The following KCNH5 variants were observed in gnomAD, a reference collection of about 807,000 sequenced individuals.
KCNH5 encodes voltage-gated delayed rectifier potassium channel KCNH5.
A neutral mutation model predicts 96.1 loss-of-function variants in KCNH5; 46 were observed. The observed-to-expected ratio is 0.48, with a 90% CI of 0.38 to 0.61. The LOEUF (loss-of-function observed/expected upper bound fraction) is 0.61. KCNH5 is among the 20% of genes least tolerant of loss of function. KCNH5 has a pLI of 0.00. For synonymous variants in KCNH5, 439 were observed against 449.8 expected, an observed-to-expected ratio of 0.98 and a Z score of 0.30; for missense variants, 907 against 1,225.8, an observed-to-expected ratio of 0.74 and a Z score of 3.88.
intron 10 of KCNH5, among the ~76,000 whole-genome samples, chr14:62,743,560 G>A (rs1047347217): frequency 1.6e-4 from 25 of 152,144 alleles, no homozygotes; most frequent in Admixed American, 1.4e-3. Flanking sequence ...GAACTGAAAA[G>A]AAATTAAGAT....
chr14:62,832,982 T>C (rs1191096709), intron 8 of KCNH5, among the ~76,000 whole-genome samples: 1 of 120,794 alleles, frequency 8.3e-6, no homozygotes, highest in Non-Finnish European at 1.8e-5. Context: ...GTTTTTGCTA[T>C]TGAATTGATA....
rs139338811 is a variant in KCNH5, at chr14:62,913,036, T to A, written c.1369+37097A>T. 1.9e-3 allele frequency among the ~76,000 whole-genome samples: 296 copies of A among 152,328 alleles called. 6 individuals carry two copies. Among genetic ancestry groups the A allele is most frequent in the African/African-American group, 6.7e-3 (280 of 41,576 alleles). ...TCTATATTTTCCAATAATATCTACA[T>A]AAAATGACTTCTAAATCTGAACTTA... On this transcript the variant is annotated intron_variant, in intron 7 of 10. Coordinates refer to ENST00000322893, the MANE Select transcript of KCNH5 (RefSeq NM_139318.5).
At chr14:62,720,575 T>C (rs1359222603) in intron 10 of KCNH5, among the ~76,000 whole-genome samples, 1 of 152,108 alleles carries the variant, frequency 6.6e-6, no homozygotes, top group Non-Finnish European at 1.5e-5. Context: ...ACAGCGAGAC[T>C]CTGTCTCAAA....
chr14:62,909,443 C>G (rs1016212613), intron 7 of KCNH5, among the ~76,000 whole-genome samples: 2 of 152,160 alleles, frequency 1.3e-5, no homozygotes, highest in Admixed American at 6.5e-5. Context: ...TGTAAAAGTC[C>G]TAAATAAATT....
intron 4 of KCNH5, among the ~76,000 whole-genome samples, chr14:62,993,456 C>T (rs1890850534): frequency 6.6e-6 from 1 of 152,072 alleles, no homozygotes; most frequent in Non-Finnish European, 1.5e-5. Context: ...TCCCATCCAC[C>T]TCCAGACTAA....
chr14:63,031,964 C>A (rs1250189827), intron 1 of KCNH5, among the ~76,000 whole-genome samples: 1 of 151,830 alleles, frequency 6.6e-6, no homozygotes, highest in Non-Finnish European at 1.5e-5. Flanking sequence ...CTTTTTTATG[C>A]AAATTACCCC....
chr14:62,716,786 G>A (rs1884695753), intron 10 of KCNH5, among the ~76,000 whole-genome samples: 1 of 151,994 alleles, frequency 6.6e-6, no homozygotes, highest in South Asian at 2.1e-4. Context: ...TTGTATTGGG[G>A]GGTTCTAGCC....
At chr14:62,961,052 T>C (rs1435374309) in intron 6 of KCNH5, among the ~76,000 whole-genome samples, 2 of 152,180 alleles carry the variant, frequency 1.3e-5, no homozygotes, top group Admixed American at 6.6e-5. Flanking sequence ...TAAAGCTTGA[T>C]CAAAATATGT....
chr14:62,950,033 C>A, intron 7 of KCNH5, 100 bp downstream of exon 7: 1 of 976,766 alleles, frequency 1.0e-6, no homozygotes, highest in Non-Finnish European at 1.5e-6. Context: ...GATTAAATAC[C>A]TTTCTGTAAA....
chr14:62,753,856 A>G (rs779812327), intron 10 of KCNH5, among the ~76,000 whole-genome samples: 4 of 152,198 alleles, frequency 2.6e-5, no homozygotes, highest in Admixed American at 2.0e-4. Flanking sequence ...TAGTTCTTCA[A>G]TCTGAAAGAA....
At chr14:62,812,995 A>T (rs1225528450) in intron 8 of KCNH5, among the ~76,000 whole-genome samples, 1 of 152,176 alleles carries the variant, frequency 6.6e-6, no homozygotes, top group African/African-American at 2.4e-5. Context: ...GGATATCAAG[A>T]TTTCCAGTAT....
intron 2 of KCNH5, among the ~76,000 whole-genome samples, chr14:63,016,614 A>G (rs1345851853): frequency 6.6e-6 from 1 of 152,120 alleles, no homozygotes; most frequent in East Asian, 1.9e-4. Flanking sequence ...TGAATTGATT[A>G]ACTCACAGAT....
chr14:62,817,433 C>G (rs374010357), intron 8 of KCNH5, among the ~76,000 whole-genome samples: 18 of 148,038 alleles, frequency 1.2e-4, no homozygotes, highest in Middle Eastern at 3.6e-3. Context: ...TGCATATTTG[C>G]TCAGGAAGAA....
At chr14:62,969,665 T>C (rs1890366161) in intron 6 of KCNH5, among the ~76,000 whole-genome samples, 1 of 151,950 alleles carries the variant, frequency 6.6e-6, no homozygotes, top group African/African-American at 2.4e-5. Flanking sequence ...GGTGATGGAT[T>C]GATTGGTGCA....
intron 10 of KCNH5, among the ~76,000 whole-genome samples, chr14:62,725,071 A>G (rs376514261): frequency 1.1e-4 from 16 of 152,244 alleles, no homozygotes; most frequent in East Asian, 3.8e-4. Context: ...ATATAATTTC[A>G]CTGAAATCTT....
chr14:62,932,425 A>C (rs1249926051), intron 7 of KCNH5, among the ~76,000 whole-genome samples: 1 of 151,686 alleles, frequency 6.6e-6, no homozygotes, highest in Non-Finnish European at 1.5e-5. Context: ...GAAAACTTCT[A>C]GACCATAGAG....
At chr14:62,813,453 T>C (rs768495449) in intron 8 of KCNH5, among the ~76,000 whole-genome samples, 6 of 152,160 alleles carry the variant, frequency 3.9e-5, no homozygotes, top group Non-Finnish European at 7.4e-5. Context: ...GGTAGTAAAC[T>C]AAACAAGGCT....
At chr14:62,934,793 T>C (rs1889647168) in intron 7 of KCNH5, among the ~76,000 whole-genome samples, 1 of 152,084 alleles carries the variant, frequency 6.6e-6, no homozygotes, top group Non-Finnish European at 1.5e-5. Flanking sequence ...AGATAGCAAA[T>C]GGTTTTTTTG....
At chr14:62,807,039 A>G (rs536763810) in intron 8 of KCNH5, among the ~76,000 whole-genome samples, 2 of 152,182 alleles carry the variant, frequency 1.3e-5, no homozygotes, top group African/African-American at 4.8e-5. Context: ...TGTCACTGCA[A>G]TGGGAAGGTC....
Sources: allele counts gnomAD v4.1 joint callset (sites outside exome capture counted in the v4.1 genomes callset), GRCh38; gene constraint gnomAD v4.1.1; transcripts MANE v1.5; gene names NCBI Gene and HGNC (gene_info 2026-07-23, HGNC 2026-07-21).